HIPK2: variants seen among roughly 807,000 people sequenced by gnomAD.
HIPK2 encodes the protein homeodomain-interacting protein kinase 2.
HIPK2 carries 27 observed loss-of-function variants against 113.7 expected under a neutral mutation model. The observed-to-expected ratio is 0.24, with a 90% CI of 0.17 to 0.33. The LOEUF is 0.33. Among genes scored for constraint, HIPK2 ranks in the 10% least tolerant of loss-of-function variants. The pLI is 1.00. For synonymous variants in HIPK2, 631 were observed against 642.2 expected (o/e 0.98, Z 0.26); for missense variants, 1,257 against 1,588.0 (o/e 0.79, Z 3.54).
intron 12 of HIPK2, among the ~76,000 whole-genome samples, chr7:139,587,926 C>T (rs1798891400): frequency 6.6e-6 from 1 of 151,924 alleles, no homozygotes; most frequent in African/African-American, 2.4e-5. Context: ...TGGCTGACAC[C>T]TGTAATTAGC....
chr7:139,730,134 A>C (rs1414331751), intron 1 of HIPK2, among the ~76,000 whole-genome samples: 1 of 152,234 alleles, frequency 6.6e-6, no homozygotes, highest in African/African-American at 2.4e-5. Context: ...CTTCTGAGCA[A>C]GAGTGAATTT....
intron 6 of HIPK2, among the ~76,000 whole-genome samples, chr7:139,622,141 T>C (rs956102447): frequency 6.6e-6 from 1 of 152,174 alleles, no homozygotes; most frequent in Admixed American, 6.5e-5. Flanking sequence ...CCAAACATCC[T>C]GTGAAAAATG....
chr7:139,733,659 T>C (rs982357197), intron 1 of HIPK2, among the ~76,000 whole-genome samples: 9 of 152,222 alleles, frequency 5.9e-5, no homozygotes, highest in Non-Finnish European at 1.2e-4. Flanking sequence ...TGAGATAAAA[T>C]ATACATATTC....
chr7:139,678,809 C>A (rs1386302297), intron 2 of HIPK2, among the ~76,000 whole-genome samples: 3 of 152,144 alleles, frequency 2.0e-5, no homozygotes. Context: ...AATGTTCTTC[C>A]ATTTGTTTGT....
At chr7:139,696,547 T>C (rs1321303291) in intron 2 of HIPK2, among the ~76,000 whole-genome samples, 3 of 150,074 alleles carry the variant, frequency 2.0e-5, no homozygotes, top group Non-Finnish European at 3.0e-5. Context: ...TGCACCACTA[T>C]ACTTTAGCCA....
chr7:139,604,444 G>A (rs1344968260), intron 9 of HIPK2, among the ~76,000 whole-genome samples: 1 of 152,090 alleles, frequency 6.6e-6, no homozygotes, highest in Non-Finnish European at 1.5e-5. Context: ...CACTTTGGGA[G>A]GCTGAGGAGA....
chr7:139,684,021 C>A (rs1794142983), intron 2 of HIPK2, among the ~76,000 whole-genome samples: 1 of 152,008 alleles, frequency 6.6e-6, no homozygotes, highest in Non-Finnish European at 1.5e-5. Flanking sequence ...CTATCAGTAC[C>A]ATTTTTCCAA....
At chr7:139,776,992 A>T (rs577948846) in intron 1 of HIPK2, 1 of 152,360 alleles carries the variant, frequency 6.6e-6, no homozygotes, top group Non-Finnish European at 1.5e-5. Flanking sequence ...CCCCGGCTGG[A>T]AAACCCAAAG....
chr7:139,692,716 A>G (rs1257531045), intron 2 of HIPK2, among the ~76,000 whole-genome samples: 1 of 151,304 alleles, frequency 6.6e-6, no homozygotes, highest in East Asian at 1.9e-4. Context: ...TATGCATCAG[A>G]AAAAAAAACA....
At chr7:139,688,565 A>T (rs750280498) in intron 2 of HIPK2, among the ~76,000 whole-genome samples, 11 of 152,150 alleles carry the variant, frequency 7.2e-5, no homozygotes, top group Non-Finnish European at 1.3e-4. Context: ...TGGGGGTATG[A>T]TCCCAGTTAA....
chr7:139,601,965 T>G (rs1252294778), intron 10 of HIPK2, among the ~76,000 whole-genome samples: 1 of 148,000 alleles, frequency 6.8e-6, no homozygotes, highest in Non-Finnish European at 1.5e-5. Flanking sequence ...TTTTTTTTTT[T>G]TTTTTGAGAT....
chr7:139,678,883 T>C (rs1379299032), intron 2 of HIPK2, among the ~76,000 whole-genome samples: 1 of 152,200 alleles, frequency 6.6e-6, no homozygotes. Flanking sequence ...TCACATCCCT[T>C]GTAAGTTGGA....
chr7:139,672,761 C>T (rs1448988114), intron 2 of HIPK2, among the ~76,000 whole-genome samples: 1 of 152,192 alleles, frequency 6.6e-6, no homozygotes, highest in Non-Finnish European at 1.5e-5. Context: ...CGCCTGGCCA[C>T]AAGTAACATT....
intron 2 of HIPK2, among the ~76,000 whole-genome samples, chr7:139,700,079 T>C (rs2116841613): frequency 6.6e-6 from 1 of 151,988 alleles, no homozygotes; most frequent in Non-Finnish European, 1.5e-5. Flanking sequence ...GGAAAACAAA[T>C]CCTCAGTGGC....
At chr7:139,691,853 T>C (rs1034453231) in intron 2 of HIPK2, among the ~76,000 whole-genome samples, 4 of 152,196 alleles carry the variant, frequency 2.6e-5, no homozygotes, top group African/African-American at 9.7e-5. Context: ...TACAAAATTG[T>C]ATTAATACCT....
chr7:139,658,889 C>G (rs929834690), intron 2 of HIPK2, among the ~76,000 whole-genome samples: 1 of 152,222 alleles, frequency 6.6e-6, no homozygotes, highest in Non-Finnish European at 1.5e-5. Context: ...CTACAGAGCA[C>G]AGAAAATGAT....
At chr7:139,637,665 A>G (rs1164011902) in intron 2 of HIPK2, among the ~76,000 whole-genome samples, 1 of 152,232 alleles carries the variant, frequency 6.6e-6, no homozygotes, top group Non-Finnish European at 1.5e-5. Flanking sequence ...GACCAAGTCT[A>G]TGAGGGCAGC....
chr7:139,672,819 GT>G (rs1340871843), intron 2 of HIPK2, among the ~76,000 whole-genome samples: 1 of 152,192 alleles, frequency 6.6e-6, no homozygotes, highest in Non-Finnish European at 1.5e-5. Flanking sequence ...CAGAATCATA[GT>G]TTATTTAATC....
intron 1 of HIPK2, among the ~76,000 whole-genome samples, chr7:139,717,232 A>T (rs1795275442): frequency 6.6e-6 from 1 of 152,210 alleles, no homozygotes; most frequent in Non-Finnish European, 1.5e-5. Flanking sequence ...ACTTGCCACC[A>T]TTAGGTGCCA....
Sources: gnomAD v4.1 joint callset for allele counts (sites outside exome capture counted in the v4.1 genomes callset) on GRCh38, gnomAD v4.1.1 for gene constraint, MANE v1.5 for transcripts, NCBI Gene and HGNC (gene_info 2026-07-23, HGNC 2026-07-21) for gene names.